MYO19: variants seen among roughly 807,000 people sequenced by gnomAD.
The protein encoded by MYO19 is myosin XIX.
In MYO19, 132 loss-of-function variants were observed where a neutral mutation model predicts 129.2. The observed-to-expected ratio is 1.02, with a 90% CI of 0.89 to 1.18. MYO19 has a LOEUF of 1.18. Among genes scored for constraint, MYO19 ranks in the 50% most tolerant of loss-of-function variants. The pLI, the probability that MYO19 is intolerant of heterozygous loss-of-function variation, is 0.00. For missense variants in MYO19, 1,210 were observed against 1,216.7 expected (o/e 0.99, Z 0.08); for synonymous variants, 531 against 477.2 (o/e 1.11, Z -1.47).
intron 6 of MYO19, among the ~76,000 whole-genome samples, chr17:36,518,981 GT>G (rs757147709): frequency 1.3e-5 from 2 of 152,010 alleles, no homozygotes; most frequent in Non-Finnish European, 2.9e-5. Flanking sequence ...TAATCTTTTT[GT>G]TTTTTGTTTT....
At chr17:36,503,515 A>G (rs773929058) in intron 20 of MYO19, among the ~76,000 whole-genome samples, 2 of 152,170 alleles carry the variant, frequency 1.3e-5, no homozygotes, top group Non-Finnish European at 2.9e-5. Context: ...CCTCTCCCCA[A>G]ACAATTGGAC....
upstream of MYO19, chr17:36,538,197 C>G: frequency 6.2e-7 from 1 of 1,613,368 alleles, no homozygotes. Context: ...AGCAGTATCT[C>G]GAAGAATGGC....
chr17:36,500,339 G>A (rs1427190514), intron 23 of MYO19: 1 of 154,916 alleles, frequency 6.5e-6, no homozygotes, highest in Non-Finnish European at 1.4e-5. Flanking sequence ...TCCATCATTT[G>A]GCCATGATGT....
intron 11 of MYO19, 199 bp downstream of exon 11, chr17:36,513,230 T>C (rs950498406): frequency 6.9e-7 from 1 of 1,449,924 alleles, no homozygotes; most frequent in Non-Finnish European, 9.0e-7. Flanking sequence ...TGCATCACTC[T>C]TCCTTATGCC....
In MYO19 at chr17:36,495,761, G is replaced by A; in HGVS notation, c.*490C>T. The A allele has an allele frequency of 1.6e-6, 2 of 1,243,092 alleles. No homozygotes were observed. The highest frequency in any genetic ancestry group is 2.0e-6 in the Non-Finnish European group (2 of 994,410). 77.0% of individuals were successfully genotyped at this position (1,243,092 alleles called of 1,614,324 possible). Reference sequence around the variant, plus strand: ...TCAAAACGTGATTCTACTGTACATTGCATTATTCATAATTTAATTGTTTGA... The same window carrying A: ...TCAAAACGTGATTCTACTGTACATTACATTATTCATAATTTAATTGTTTGA... On this transcript the variant is annotated 3_prime_UTR_variant, in exon 26 of 26. Transcript: ENST00000614623.
Position 36,496,419 on chromosome 17 carries a change from G to C in MYO19, c.2758-13C>G, listed in dbSNP as rs779367168. 7.4e-6 allele frequency: 12 copies of C among 1,613,550 alleles called. No individual in the cohort carries two copies. The highest frequency in any genetic ancestry group is 1.0e-5 in the Non-Finnish European group (12 of 1,179,700). ...ACTTTATCGATCCCTAGAGGGGAGA[G>C]AGAGATGCAGCTTTAGCACTAGTTC... On this transcript the variant is annotated splice_polypyrimidine_tract_variant and intron_variant, in intron 25 of 25. Transcript: ENST00000614623.
intron 9 of MYO19, 57 bp downstream of exon 9, chr17:36,514,389 A>C: frequency 1.7e-6 from 2 of 1,189,050 alleles, no homozygotes; most frequent in Non-Finnish European, 2.5e-6. Context: ...GGGGTTGAAA[A>C]ACACGGACCC....
intron 6 of MYO19, among the ~76,000 whole-genome samples, chr17:36,517,444 G>C (rs1217652063): frequency 1.3e-5 from 2 of 152,072 alleles, no homozygotes; most frequent in Non-Finnish European, 2.9e-5. Flanking sequence ...ATTTTTAGTA[G>C]AGACGGGCTT....
chr17:36,519,591 T>C (rs2073015010), intron 6 of MYO19, among the ~76,000 whole-genome samples: 1 of 150,700 alleles, frequency 6.6e-6, no homozygotes, highest in South Asian at 2.1e-4. Flanking sequence ...TTCTATCATA[T>C]AAGCATTGTT....
At chr17:36,541,031 C>A (rs965414051) in intron 2 of MYO19, among the ~76,000 whole-genome samples, 1 of 152,022 alleles carries the variant, frequency 6.6e-6, no homozygotes, top group Admixed American at 6.6e-5. Context: ...CTCTGTTACC[C>A]AGGCTAGAGT....
At position 36,510,807 on chromosome 17, in the gene MYO19, G is replaced by A; in HGVS notation, c.1096C>T (p.Pro366Ser). Residue 366 changes from proline to serine, a missense_variant, in exon 13 of 26, where the codon CCC becomes TCC. Pro to Ser is a moderately conservative substitution (Grantham distance 74, BLOSUM62 -1). Coordinates refer to ENST00000614623, the MANE Select transcript of MYO19 (RefSeq NM_001163735.2). Reference sequence around the variant, plus strand: ...GTGTCACACTCGGCTCGGGCGCAGGGCTTCCGGAACACCTGCTGCTGTCTG... The same window carrying A: ...GTGTCACACTCGGCTCGGGCGCAGGACTTCCGGAACACCTGCTGCTGTCTG... Reference protein sequence around the residue: ...AGRQQQVFRKPCARAECDTRR... With the variant: ...AGRQQQVFRKSCARAECDTRR... 6.3e-7 allele frequency: 1 copy of A among 1,599,888 alleles called. No individual in the cohort carries two copies. Among genetic ancestry groups the A allele is most frequent in the Non-Finnish European group, 8.5e-7 (1 of 1,173,458 alleles).
intron 2 of MYO19, among the ~76,000 whole-genome samples, chr17:36,540,641 G>A (rs920118787): frequency 3.3e-5 from 5 of 152,138 alleles, no homozygotes; most frequent in African/African-American, 7.2e-5. Context: ...AAAGTGCTGG[G>A]ATATAGGCAT....
intron 15 of MYO19, 49 bp from the exon 16 acceptor site, chr17:36,507,561 G>A: frequency 1.9e-6 from 3 of 1,571,878 alleles, no homozygotes; most frequent in African/African-American, 1.3e-5. Context: ...GTGGTCTGAT[G>A]TCCTGACGGG....
At chr17:36,508,644 T>C (rs2072093243) in intron 14 of MYO19, 1 of 189,680 alleles carries the variant, frequency 5.3e-6, no homozygotes, top group Non-Finnish European at 1.1e-5. Flanking sequence ...TTGCCCAGGC[T>C]GGTCTCCAAC....
chr17:36,495,723 AGT>A lies in MYO19; in HGVS notation c.*526_*527del. On this transcript the variant is annotated 3_prime_UTR_variant, in exon 26 of 26. Transcript: ENST00000614623. The stretch of plus-strand genomic sequence containing the variant: ...ACTTCATATGGAGTTAAACTTGGTC[AGT>A]GTTAATAAAATCAAAACGTGATTCT... 1.6e-6 allele frequency: 2 copies of A among 1,247,754 alleles called. No individual in the cohort carries two copies. Among genetic ancestry groups the A allele is most frequent in the South Asian group, 3.9e-5 (1 of 25,710 alleles). The allele number at this position is 1,247,754 out of a possible 1,614,324, so 77.3% of individuals were successfully genotyped here.
intron 6 of MYO19, among the ~76,000 whole-genome samples, chr17:36,518,089 A>C (rs1283103087): frequency 3.2e-5 from 4 of 124,738 alleles, no homozygotes; most frequent in Non-Finnish European, 6.9e-5. Context: ...AAACTATCTC[A>C]AAAAAAAAAA....
Position 36,511,450 on chromosome 17 carries a change from T to C in MYO19, c.900A>G (p.Leu300=). Residue 300 remains leucine, a synonymous_variant, in exon 12 of 26, where the codon CTA becomes CTG. Transcript: ENST00000614623. Reference sequence around the variant, plus strand: ...TATTGCCAAGGTGCAGCAGTCCAGCTAGGACCTGGGGGAAAGAAAAGGATG... The same window carrying C: ...TATTGCCAAGGTGCAGCAGTCCAGCCAGGACCTGGGGGAAAGAAAAGGATG... ...TPTQNNIFKV[L]AGLLHLGNIQ... is the part of the protein sequence containing the mutation. 6.4e-7 allele frequency: 1 copy of C among 1,560,076 alleles called. No individual in the cohort carries two copies. The highest frequency in any genetic ancestry group is 8.7e-7 in the Non-Finnish European group (1 of 1,152,002).
At chr17:36,496,486 A>G (rs2070988290) in intron 25 of MYO19, 80 bp from the exon 26 acceptor site, 39 of 1,396,470 alleles carry the variant, frequency 2.8e-5, no homozygotes, top group Non-Finnish European at 3.8e-5. Context: ...AGCAGACGCT[A>G]AAAATGCAAG....
Position 36,501,109 on chromosome 17 carries a change from A to T in MYO19, c.2207T>A (p.Met736Lys). 2 of 1,614,008 alleles carry T rather than the reference A, an allele frequency of 1.2e-6. No homozygotes were observed. Among genetic ancestry groups the T allele is most frequent in the Non-Finnish European group, 1.7e-6 (2 of 1,179,882 alleles). The change falls in exon 22 of 26, where the codon ATG (methionine) becomes AAG (lysine). Residue 736 changes from methionine (M) to lysine (K), a missense_variant. Met to Lys is a moderately conservative substitution (Grantham distance 95). Coordinates refer to ENST00000614623, the MANE Select transcript of MYO19 (RefSeq NM_001163735.2). ...GDSAEAMPAP[M>K]HCGRTKVFMT... ...GAACACCTTGGTCCTGCCACAGTGC[A>T]TGGGGGCTGGCATGGCCTCAGCCGA... is the stretch of plus-strand genomic sequence containing the variant.
Sources: gnomAD v4.1 joint callset for allele counts (sites outside exome capture counted in the v4.1 genomes callset) on GRCh38, gnomAD v4.1.1 for gene constraint, MANE v1.5 for transcripts, NCBI Gene and HGNC (gene_info 2026-07-23, HGNC 2026-07-21) for gene names.